Variants in CACNB2 observed in about 807,000 individuals in gnomAD.
CACNB2 encodes the protein voltage-dependent L-type calcium channel subunit beta-2.
CACNB2 carries 42 observed loss-of-function variants against 73.3 expected under a neutral mutation model. The ratio of observed to expected loss-of-function variants is 0.57; its 90% CI spans 0.45 to 0.74. CACNB2 has a LOEUF of 0.74. Ranked by LOEUF, CACNB2 falls within the 30% of genes least tolerant of loss-of-function variation. The probability of loss-of-function intolerance (pLI) is 0.00; values close to 1 mark genes in which losing one functional copy is unlikely to be tolerated. For missense variants in CACNB2, 940 were observed against 853.0 expected (o/e 1.10, Z -1.27); for synonymous variants, 348 against 310.3 (o/e 1.12, Z -1.28).
At chr10:18,259,084 A>C (rs980578951) in intron 2 of CACNB2, among the ~76,000 whole-genome samples, 1 of 152,200 alleles carries the variant, frequency 6.6e-6, no homozygotes, top group East Asian at 1.9e-4. Context: ...GAATTTTCAC[A>C]GACTATGTAG....
chr10:18,209,901 A>G (rs1224050074), intron 2 of CACNB2, among the ~76,000 whole-genome samples: 1 of 152,154 alleles, frequency 6.6e-6, no homozygotes, highest in East Asian at 1.9e-4. Flanking sequence ...ACTAGTTCAG[A>G]TAGTTTGTCA....
chr10:18,197,022 CTCT>C (rs750026542), intron 2 of CACNB2, among the ~76,000 whole-genome samples: 1 of 149,990 alleles, frequency 6.7e-6, no homozygotes, highest in African/African-American at 2.5e-5. Context: ...CTCTCCTTTT[CTCT>C]TCTTCTCTCT....
chr10:18,386,558 A>G (rs2043243785), intron 2 of CACNB2, among the ~76,000 whole-genome samples: 1 of 151,732 alleles, frequency 6.6e-6, no homozygotes, highest in Admixed American at 6.6e-5. Flanking sequence ...GCCCGCCACC[A>G]TGCCCTGCTA....
At chr10:18,357,305 A>T (rs1459326368) in intron 2 of CACNB2, among the ~76,000 whole-genome samples, 1 of 152,192 alleles carries the variant, frequency 6.6e-6, no homozygotes, top group African/African-American at 2.4e-5. Context: ...TGAAATGTAT[A>T]GTTAATGCAA....
intron 1 of CACNB2, among the ~76,000 whole-genome samples, chr10:18,148,381 CTG>C (rs749978308): frequency 2.6e-5 from 4 of 152,210 alleles, no homozygotes; most frequent in East Asian, 1.9e-4. Context: ...CAGTTGAAAA[CTG>C]TAATAATTTC....
At chr10:18,340,971 T>G in intron 2 of CACNB2, 1 of 1,614,060 alleles carries the variant, frequency 6.2e-7, no homozygotes, top group South Asian at 1.1e-5. Flanking sequence ...AATACATTAT[T>G]CCTGGGGTAA....
chr10:18,267,194 CA>C (rs1311296077), intron 2 of CACNB2, among the ~76,000 whole-genome samples: 1 of 49,420 alleles, frequency 2.0e-5, no homozygotes, highest in Non-Finnish European at 3.7e-5. Flanking sequence ...TTTGGAACTG[CA>C]TTTTTTTTTT....
chr10:18,527,829 T>C lies in CACNB2; in HGVS notation c.1054+132T>C, dbSNP rs76216865. On this transcript the variant is annotated intron_variant, in intron 10 of 13. Coordinates refer to ENST00000324631, the MANE Select transcript of CACNB2 (RefSeq NM_201596.3). ...AACAGGTGTGTGCTGCCAGTCGCTG[T>C]TGCTATGGTCTTACTGATTTCATGG... is the stretch of plus-strand genomic sequence containing the variant. 1,313 of 705,012 alleles carry C rather than the reference T, an allele frequency of 1.9e-3. 12 individuals are homozygous for C. In the African/African-American group the frequency reaches 0.02, roughly 11 times the overall value. 43.7% of individuals were successfully genotyped at this position (705,012 alleles called of 1,614,324 possible).
intron 3 of CACNB2, among the ~76,000 whole-genome samples, chr10:18,455,000 C>G (rs1041380126): frequency 1.3e-5 from 2 of 150,784 alleles, no homozygotes; most frequent in African/African-American, 4.9e-5. Flanking sequence ...TATGACTGTG[C>G]CACTGCAGCC....
At chr10:18,356,942 C>CTTTTTTTTTTTTCTTTTTTT (rs2041936312) in intron 2 of CACNB2, among the ~76,000 whole-genome samples, 1 of 101,104 alleles carries the variant, frequency 9.9e-6, no homozygotes, top group Non-Finnish European at 2.0e-5. Flanking sequence ...GACTCAATTT[C>CTTTTTTTTTTTTCTTTTTTT]TTTTTTTTTT....
intron 2 of CACNB2, among the ~76,000 whole-genome samples, chr10:18,373,637 A>G (rs191703980): frequency 6.6e-6 from 1 of 152,258 alleles, no homozygotes; most frequent in Admixed American, 6.5e-5. Flanking sequence ...TGTTCCTCCC[A>G]TGAAGTCACC....
intron 2 of CACNB2, among the ~76,000 whole-genome samples, chr10:18,377,079 T>C (rs953821241): frequency 1.3e-5 from 2 of 152,222 alleles, no homozygotes; most frequent in Non-Finnish European, 2.9e-5. Context: ...GTGATTATTA[T>C]ATATTGCATG....
intron 3 of CACNB2, among the ~76,000 whole-genome samples, chr10:18,490,640 CAACGTAGTATCCT>C (rs1341664115): frequency 1.3e-5 from 2 of 152,288 alleles, no homozygotes; most frequent in East Asian, 3.9e-4. Flanking sequence ...GTCTCCCAAC[CAACGTAGTATCCT>C]AATGATTCTG....
At chr10:18,450,765 G>C (rs1313016737) in intron 3 of CACNB2, among the ~76,000 whole-genome samples, 1 of 151,724 alleles carries the variant, frequency 6.6e-6, no homozygotes, top group Non-Finnish European at 1.5e-5. Context: ...TGGGATTACA[G>C]GTGTGCACCA....
intron 2 of CACNB2, among the ~76,000 whole-genome samples, chr10:18,255,151 C>T (rs554118437): frequency 6.6e-6 from 1 of 152,256 alleles, no homozygotes; most frequent in East Asian, 1.9e-4. Context: ...AAAGAAATCC[C>T]ACTGCTCTTA....
intron 2 of CACNB2, among the ~76,000 whole-genome samples, chr10:18,260,036 C>G (rs1055016144): frequency 6.6e-6 from 1 of 152,150 alleles, no homozygotes; most frequent in African/African-American, 2.4e-5. Flanking sequence ...TCTTAGGTCT[C>G]AACAGAATAT....
chr10:18,501,089 T>C, intron 5 of CACNB2, 141 bp downstream of exon 5: 3 of 841,554 alleles, frequency 3.6e-6, no homozygotes, highest in South Asian at 1.6e-5. Flanking sequence ...TCACAAATCT[T>C]GCATTTTCCT....
intron 5 of CACNB2, among the ~76,000 whole-genome samples, chr10:18,502,417 G>A (rs1173856500): frequency 1.3e-5 from 2 of 151,464 alleles, no homozygotes; most frequent in Non-Finnish European, 1.5e-5. Flanking sequence ...GGGGCCACGT[G>A]CGGTGGCTCA....
chr10:18,309,698 C>A (rs1281560975), intron 2 of CACNB2, among the ~76,000 whole-genome samples: 2 of 152,030 alleles, frequency 1.3e-5, no homozygotes, highest in Non-Finnish European at 2.9e-5. Flanking sequence ...ACCTTATGAT[C>A]CACCCGCCTC....
Sources: allele counts gnomAD v4.1 joint callset (sites outside exome capture counted in the v4.1 genomes callset), GRCh38; gene constraint gnomAD v4.1.1; transcripts MANE v1.5; gene names NCBI Gene and HGNC (gene_info 2026-07-23, HGNC 2026-07-21).